Variants in NDUFA3 observed in about 807,000 individuals in gnomAD.
The protein encoded by NDUFA3 is NADH:ubiquinone oxidoreductase subunit A3.
In NDUFA3, 10 loss-of-function variants were observed where a neutral mutation model predicts 11.4. The ratio of observed to expected loss-of-function variants is 0.87; its 90% CI spans 0.54 to 1.48. The LOEUF (loss-of-function observed/expected upper bound fraction) is 1.48. Ranked by LOEUF, NDUFA3 falls within the 40% of genes most tolerant of loss-of-function variation. The pLI, the probability that NDUFA3 is intolerant of heterozygous loss-of-function variation, is 0.00. For synonymous variants in NDUFA3, 39 were observed against 46.9 expected (o/e 0.83, Z 0.68); for missense variants, 115 against 110.5 (o/e 1.04, Z -0.18).
rs1180949328 is a variant in NDUFA3 at position 54,103,206 on chromosome 19, G to A, written c.85+18G>A. Reference sequence around the variant, plus strand: ...GGGCCTCGGTGCGTGAGTGCTCCAGGCGCAAACTTGCATCGTCCACCCCCG... The same window carrying A: ...GGGCCTCGGTGCGTGAGTGCTCCAGACGCAAACTTGCATCGTCCACCCCCG... On this transcript the variant is annotated intron_variant, in intron 2 of 3. Transcript: ENST00000485876. 9 of 1,579,218 alleles carry A rather than the reference G, an allele frequency of 5.7e-6. No homozygotes were observed. The African/African-American group carries it at 1.1e-4, about 19-fold the overall frequency.
chr19:54,104,347 A>G (rs966239666), intron 2 of NDUFA3, among the ~76,000 whole-genome samples: 2 of 151,348 alleles, frequency 1.3e-5, no homozygotes, highest in Admixed American at 1.3e-4. Flanking sequence ...CATGTTGGCC[A>G]GGCTGGTCTT....
intron 3 of NDUFA3, 105 bp downstream of exon 3, chr19:54,106,116 G>A: frequency 9.2e-7 from 1 of 1,089,682 alleles, no homozygotes. Context: ...CAGAGATTCT[G>A]CAGTGGTGCC....
At chr19:54,104,098 G>A (rs587612500) in intron 2 of NDUFA3, among the ~76,000 whole-genome samples, 131 of 148,206 alleles carry the variant, frequency 8.8e-4, no homozygotes, top group African/African-American at 3.2e-3. Context: ...CTCCCAAAGT[G>A]CTGGGATTAC....
At chr19:54,106,199 GT>G in intron 3 of NDUFA3, 188 bp downstream of exon 3, 1 of 604,020 alleles carries the variant, frequency 1.7e-6, no homozygotes, top group South Asian at 2.1e-5. Flanking sequence ...CTTCGTTTTT[GT>G]TTTTTGGGGT....
At chr19:54,104,196 G>T (rs1347450486) in intron 2 of NDUFA3, among the ~76,000 whole-genome samples, 1 of 136,918 alleles carries the variant, frequency 7.3e-6, no homozygotes, top group Non-Finnish European at 1.5e-5. Flanking sequence ...ACAGTGCAAT[G>T]GTTTGATCAT....
chr19:54,106,285 G>C, intron 3 of NDUFA3: 1 of 470,038 alleles, frequency 2.1e-6, no homozygotes, highest in East Asian at 4.0e-5. Flanking sequence ...TGCAAGCTCA[G>C]CCTCCCGAGT....
intron 3 of NDUFA3, 112 bp from the exon 4 acceptor site, chr19:54,106,699 C>T: frequency 1.2e-6 from 1 of 825,112 alleles, no homozygotes; most frequent in Non-Finnish European, 1.8e-6. Context: ...GACCCTTCCC[C>T]TCTCACCCCT....
In NDUFA3 at chr19:54,106,869, G is replaced by A; in HGVS notation, c.222G>A (p.Gln74=). Residue 74 remains glutamine (Q), a synonymous_variant, in exon 4 of 4, where the codon CAG becomes CAA. Transcript: ENST00000485876. ...TGCCCAGCCACCCCCAGGACCCTCAGGGCCCCAGCCTGGAGTGGCTGAAGA... is the reference window on the plus strand; with the variant it reads ...TGCCCAGCCACCCCCAGGACCCTCAAGGCCCCAGCCTGGAGTGGCTGAAGA... The part of the protein sequence containing the change: ...PDVPSHPQDP[Q]GPSLEWLKKL The A allele has an allele frequency of 1.2e-6, 2 of 1,613,812 alleles. No individual in the cohort carries two copies.
intron 3 of NDUFA3, chr19:54,106,527 T>C (rs1270214530): frequency 4.5e-6 from 2 of 447,058 alleles, no homozygotes; most frequent in Non-Finnish European, 7.9e-6. Flanking sequence ...TTCCCATCTG[T>C]GGTGGTTTCT....
intron 2 of NDUFA3, 25 bp downstream of exon 2, chr19:54,103,213 C>T: frequency 6.4e-7 from 1 of 1,572,594 alleles, no homozygotes; most frequent in Non-Finnish European, 8.7e-7. Flanking sequence ...CAGGCGCAAA[C>T]TTGCATCGTC....
intron 3 of NDUFA3, 65 bp from the exon 4 acceptor site, chr19:54,106,746 A>G (rs1390749056): frequency 7.2e-7 from 1 of 1,387,628 alleles, no homozygotes; most frequent in African/African-American, 1.5e-5. Flanking sequence ...AAAGCGACAG[A>G]CCAGCTCTTC....
chr19:54,106,916 C>T lies in NDUFA3; in HGVS notation c.*14C>T. 1 of 1,607,890 alleles carries T rather than the reference C, an allele frequency of 6.2e-7. No homozygotes were observed. The highest frequency in any genetic ancestry group is 2.2e-5 in the East Asian group (1 of 44,820). On this transcript the variant is annotated 3_prime_UTR_variant, in exon 4 of 4. Coordinates refer to ENST00000485876, the MANE Select transcript of NDUFA3 (RefSeq NM_004542.4). ...AAGAAACTGTGAGCACCTCCACTGA[C>T]AGAGGCGGCCCCTCCCACGGCTCCC...
intron 2 of NDUFA3, 192 bp from the exon 3 acceptor site, chr19:54,105,742 C>A: frequency 1.5e-6 from 1 of 664,694 alleles, no homozygotes; most frequent in African/African-American, 1.8e-5. Context: ...CACTTAACCC[C>A]CCAAAAAAGA....
At chr19:54,103,220 C>T in intron 2 of NDUFA3, 32 bp downstream of exon 2, 7 of 1,553,730 alleles carry the variant, frequency 4.5e-6, no homozygotes, top group Middle Eastern at 1.7e-4. Context: ...AAACTTGCAT[C>T]GTCCACCCCC....
At chr19:54,105,008 G>A (rs1332793485) in intron 2 of NDUFA3, among the ~76,000 whole-genome samples, 1 of 152,070 alleles carries the variant, frequency 6.6e-6, no homozygotes, top group East Asian at 1.9e-4. Flanking sequence ...AAAGTCCTGG[G>A]ATTATAGGCA....
chr19:54,103,759 A>T (rs1421654725), intron 2 of NDUFA3, among the ~76,000 whole-genome samples: 1 of 151,980 alleles, frequency 6.6e-6, no homozygotes, highest in Non-Finnish European at 1.5e-5. Flanking sequence ...GCTCACTGCA[A>T]CCTCGGCCTC....
chr19:54,103,229 C>G, intron 2 of NDUFA3, 41 bp downstream of exon 2: 1 of 1,550,102 alleles, frequency 6.5e-7, no homozygotes, highest in Non-Finnish European at 8.7e-7. Flanking sequence ...TCGTCCACCC[C>G]CGTCCCCCTA....
rs377135488 is a variant in NDUFA3, at chr19:54,107,131, C to T, written c.*229C>T. 6 of 1,613,950 alleles carry T rather than the reference C, an allele frequency of 3.7e-6. No homozygotes were observed. The African/African-American group carries it at 6.7e-5, about 18-fold the overall frequency. ...GAGAAACCCAACTGGAATCCAGGGC[C>T]TCATCTGCTTCAAAGCCAAAGTCTT... On this transcript the variant is annotated 3_prime_UTR_variant, in exon 4 of 4. Transcript: ENST00000485876.
chr19:54,103,394 C>G (rs982294183), intron 2 of NDUFA3, among the ~76,000 whole-genome samples: 25 of 152,136 alleles, frequency 1.6e-4, no homozygotes, highest in African/African-American at 6.0e-4. Context: ...CCAATACGCT[C>G]TTAACCCCTC....
Sources: gnomAD v4.1 joint callset for allele counts (sites outside exome capture counted in the v4.1 genomes callset) on GRCh38, gnomAD v4.1.1 for gene constraint, MANE v1.5 for transcripts, NCBI Gene and HGNC (gene_info 2026-07-23, HGNC 2026-07-21) for gene names.